USH2A: variants seen among roughly 807,000 people sequenced by gnomAD.
The protein encoded by USH2A is usherin.
In USH2A, 443 loss-of-function variants were observed where a neutral mutation model predicts 538.9. That is an observed-to-expected ratio of 0.82 (90% confidence interval 0.76 to 0.89). USH2A has a LOEUF of 0.89. USH2A is among the 40% of genes least tolerant of loss of function. The probability of loss-of-function intolerance (pLI) is 0.00; values close to 1 mark genes in which losing one functional copy is unlikely to be tolerated. For synonymous variants in USH2A, 2,413 were observed against 2,273.5 expected, an observed-to-expected ratio of 1.06 and a Z score of -1.75; for missense variants, 6,633 against 6,324.8, an observed-to-expected ratio of 1.05 and a Z score of -1.65.
In USH2A at chr1:216,078,217, CTTGCTG is replaced by C. The variant is rs752992414; in HGVS notation, c.5438_5443del (p.Ser1813_Ser1815delinsCys). 6 of 1,613,738 alleles carry C rather than the reference CTTGCTG, an allele frequency of 3.7e-6. No homozygotes were observed. Among genetic ancestry groups the C allele is most frequent in the Non-Finnish European group, 4.2e-6 (5 of 1,179,820 alleles). On this transcript the variant is annotated inframe_deletion, in exon 27 of 72. Transcript: ENST00000307340. ...TGCATGCTTCATCAGTCCATTCACA[CTTGCTG>C]ATATGAAAGAGCCTTCCTTTTTAAT...
At chr1:216,177,783 T>C (rs2034418975) in intron 20 of USH2A, among the ~76,000 whole-genome samples, 1 of 152,170 alleles carries the variant, frequency 6.6e-6, no homozygotes, top group Non-Finnish European at 1.5e-5. Context: ...TTTGTTTTGG[T>C]TTGATTTTTT....
At chr1:215,715,995 G>C (rs1659472452) in intron 61 of USH2A, among the ~76,000 whole-genome samples, 1 of 152,214 alleles carries the variant, frequency 6.6e-6, no homozygotes, top group African/African-American at 2.4e-5. Context: ...CGGTTTAGCA[G>C]AAAAGGCAAC....
At chr1:216,396,464 G>A (rs977855958) in intron 3 of USH2A, among the ~76,000 whole-genome samples, 2 of 152,082 alleles carry the variant, frequency 1.3e-5, no homozygotes, top group Non-Finnish European at 2.9e-5. Flanking sequence ...CTAATAGGTT[G>A]CGACAAAAAT....
chr1:216,054,683 C>A (rs2030913960), intron 30 of USH2A, among the ~76,000 whole-genome samples: 1 of 150,374 alleles, frequency 6.7e-6, no homozygotes, highest in Admixed American at 6.6e-5. Flanking sequence ...CCCCCAGCTG[C>A]CAACCAAGGT....
chr1:215,630,458 A>G (rs1314161216), intron 70 of USH2A, among the ~76,000 whole-genome samples: 3 of 139,018 alleles, frequency 2.2e-5, no homozygotes, highest in Non-Finnish European at 4.5e-5. Flanking sequence ...ATATGTGAAT[A>G]TATATGTATG....
intron 37 of USH2A, among the ~76,000 whole-genome samples, chr1:215,936,240 A>C (rs144206414): frequency 2.6e-5 from 4 of 152,204 alleles, no homozygotes; most frequent in African/African-American, 9.6e-5. Flanking sequence ...ATCTTTATTG[A>C]ACAAATGCTT....
chr1:215,805,115 T>G (rs982846097), intron 49 of USH2A, among the ~76,000 whole-genome samples: 1 of 150,808 alleles, frequency 6.6e-6, no homozygotes, highest in African/African-American at 2.4e-5. Context: ...AGGGGAACAT[T>G]ACACACAGGG....
rs200712760 is a variant in USH2A, at chr1:215,888,482, G to A, written c.8167C>T (p.Arg2723Ter). The change falls in exon 41 of 72, where the codon CGA becomes TGA. Residue 2723 changes from arginine (R) to a stop codon, truncating the protein, a stop_gained. Coordinates refer to ENST00000307340, the MANE Select transcript of USH2A (RefSeq NM_206933.4). LOFTEE classifies it high-confidence loss of function. Reference sequence around the variant, plus strand: ...ACAGGTGGCTGCACCCCAGCAGGTCGTGAGGGTCTTGTGGTAACTTCTACC... The same window carrying A: ...ACAGGTGGCTGCACCCCAGCAGGTCATGAGGGTCTTGTGGTAACTTCTACC... The part of the protein sequence containing the change: ...AWVEVTTRPS[R>*]PAGVQPPVVT... 3 of 1,613,984 alleles carry A rather than the reference G, an allele frequency of 1.9e-6. No individual in the cohort carries two copies. Among genetic ancestry groups the A allele is most frequent in the African/African-American group, 2.7e-5 (2 of 75,062 alleles).
intron 32 of USH2A, among the ~76,000 whole-genome samples, chr1:216,023,479 A>C (rs911454039): frequency 6.7e-6 from 1 of 148,210 alleles, no homozygotes; most frequent in African/African-American, 2.5e-5. Flanking sequence ...AAAAAAAAAA[A>C]AAATCAAAAA....
At chr1:216,329,793 T>C (rs2037817833) in intron 4 of USH2A, among the ~76,000 whole-genome samples, 1 of 152,090 alleles carries the variant, frequency 6.6e-6, no homozygotes, top group African/African-American at 2.4e-5. Flanking sequence ...AGGCATTCTC[T>C]TTCTGGGAGA....
chr1:215,844,557 C>A lies in USH2A; in HGVS notation c.9056-61G>T. 5 of 1,556,722 alleles carry A rather than the reference C, an allele frequency of 3.2e-6. No homozygotes were observed. In the African/African-American group the frequency reaches 6.8e-5, roughly 21 times the overall value. On this transcript the variant is annotated intron_variant, in intron 45 of 71. Coordinates refer to ENST00000307340, the MANE Select transcript of USH2A (RefSeq NM_206933.4). The stretch of plus-strand genomic sequence containing the variant: ...TGTCTCTGAAAAAGCACATGTTAAG[C>A]TAAATGCAGATTAGTATTTAGGTTT...
intron 14 of USH2A, among the ~76,000 whole-genome samples, chr1:216,219,957 C>T (rs959268891): frequency 6.6e-6 from 1 of 152,098 alleles, no homozygotes; most frequent in Non-Finnish European, 1.5e-5. Flanking sequence ...TTGCTGGTTA[C>T]AATGGGAAAG....
At chr1:216,056,782 T>TTGTGTG (rs148484406) in intron 30 of USH2A, among the ~76,000 whole-genome samples, 34 of 149,396 alleles carry the variant, frequency 2.3e-4, no homozygotes, top group South Asian at 6.3e-4. Context: ...ATGTGTGCAT[T>TTGTGTG]TGTGTGTGTG....
intron 13 of USH2A, among the ~76,000 whole-genome samples, chr1:216,239,084 G>A (rs1415536742): frequency 6.8e-6 from 1 of 146,048 alleles, no homozygotes; most frequent in African/African-American, 2.5e-5. Context: ...AAGTTTTACT[G>A]TAAGAGACCA....
intron 61 of USH2A, among the ~76,000 whole-genome samples, chr1:215,686,445 C>A (rs1312676846): frequency 6.6e-6 from 1 of 151,958 alleles, no homozygotes; most frequent in African/African-American, 2.4e-5. Context: ...TCTGGAGATA[C>A]CTGGGTGGCA....
chr1:215,671,251 T>C lies in USH2A; in HGVS notation c.13854A>G (p.Ala4618=), dbSNP rs748103437. 8 of 1,614,142 alleles carry C rather than the reference T, an allele frequency of 5.0e-6. No individual in the cohort carries two copies. In the East Asian group the frequency reaches 1.8e-4, roughly 36 times the overall value. ...TCTGTATGAATGTCCAGTCACTTGA[T>C]GCACATCCCAGGGTGGTGCACGCTT... ...RIQACTTLGC[A]SSDWTFIQTP... Residue 4618 remains alanine, a synonymous_variant, in exon 64 of 72, where the codon GCA becomes GCG. Coordinates refer to ENST00000307340, the MANE Select transcript of USH2A (RefSeq NM_206933.4).
chr1:215,997,613 G>T (rs530538024), intron 34 of USH2A, among the ~76,000 whole-genome samples: 2 of 152,064 alleles, frequency 1.3e-5, no homozygotes, highest in African/African-American at 2.4e-5. Flanking sequence ...TTGATTGACT[G>T]CACAGCACAT....
intron 49 of USH2A, among the ~76,000 whole-genome samples, chr1:215,807,881 CA>C (rs1662547397): frequency 1.3e-5 from 2 of 152,048 alleles, no homozygotes; most frequent in African/African-American, 4.8e-5. Context: ...AATTACTAAA[CA>C]TTTTTTTTCT....
At chr1:215,903,124 A>C (rs1007771385) in intron 38 of USH2A, among the ~76,000 whole-genome samples, 1 of 152,098 alleles carries the variant, frequency 6.6e-6, no homozygotes, top group Admixed American at 6.6e-5. Flanking sequence ...CTGGAAGCCG[A>C]GTAAAGAAAG....
Sources: gnomAD v4.1 joint callset for allele counts (sites outside exome capture counted in the v4.1 genomes callset) on GRCh38, gnomAD v4.1.1 for gene constraint, MANE v1.5 for transcripts, NCBI Gene and HGNC (gene_info 2026-07-23, HGNC 2026-07-21) for gene names.